Variants in FAM153A observed in about 807,000 individuals in gnomAD.
FAM153A encodes protein FAM153A.
FAM153A carries 12 observed loss-of-function variants against 48.1 expected under a neutral mutation model. That is an observed-to-expected ratio of 0.25 (90% CI 0.16 to 0.40). FAM153A has a LOEUF of 0.40. Among genes scored for constraint, FAM153A ranks in the 10% least tolerant of loss-of-function variants. The pLI is 1.00. For missense variants in FAM153A, 111 were observed against 345.8 expected (o/e 0.32, Z 5.38); for synonymous variants, 36 against 118.2 (o/e 0.30, Z 4.51).
At chr5:177,759,289 A>G (rs28832982) in intron 1 of FAM153A, among the ~76,000 whole-genome samples, 3,119 of 151,822 alleles carry the variant, frequency 0.021, 151 homozygotes, top group African/African-American at 0.071. Context: ...CACCAGTTAG[A>G]ATGGTGATCT....
chr5:177,759,029 G>A (rs1316099333), intron 1 of FAM153A, among the ~76,000 whole-genome samples: 2 of 151,786 alleles, frequency 1.3e-5, no homozygotes, highest in Non-Finnish European at 2.9e-5. Context: ...CCATCAGAGT[G>A]AACAGGGAAC....
chr5:177,758,290 G>A lies in FAM153A; in HGVS notation c.-56-9591C>T, dbSNP rs1767950533. On this transcript the variant is annotated intron_variant, in intron 1 of 8. Transcript: ENST00000393518. ...CAAGGGATGTGAAGGGTCTCTTCAAGGAGAACTACAAACCACTGCTCAATG... is the reference window on the plus strand; with the variant it reads ...CAAGGGATGTGAAGGGTCTCTTCAAAGAGAACTACAAACCACTGCTCAATG... Among the ~76,000 whole-genome samples, 2 of 129,696 alleles carry A rather than the reference G, an allele frequency of 1.5e-5. 1 individual carries two copies. The highest frequency in any genetic ancestry group is 5.3e-5 in the African/African-American group (2 of 37,442). The allele number at this position is 129,696 out of a possible 152,430, so 85.1% of individuals were successfully genotyped here. A position where few individuals can be genotyped will look rare whatever the true frequency, so the allele number is the denominator to read the frequency against.
At chr5:177,781,858 A>G (rs1769702519), upstream of FAM153A, among the ~76,000 whole-genome samples, 2 of 92,536 alleles carry the variant, frequency 2.2e-5, no homozygotes, top group South Asian at 4.2e-4. Context: ...AGCTGGGACT[A>G]CAGGCGCCCG....
At position 177,746,434 on chromosome 5, in the gene FAM153A, C is replaced by T. The variant is rs1026472474; in HGVS notation, c.259+1335G>A. 4.2e-4 allele frequency among the ~76,000 whole-genome samples: 62 copies of T among 148,636 alleles called. 1 individual carries two copies. The highest frequency in any genetic ancestry group is 7.5e-4 in the Non-Finnish European group (51 of 67,572). On this transcript the variant is annotated intron_variant, in intron 4 of 20. Coordinates refer to ENST00000614127, the Ensembl canonical transcript of FAM153A. ...TTGGCCTCCCAAAGCACTGGGATTA[C>T]AGGCATGAGCCACCGTCTCCAGCCA... is the stretch of plus-strand genomic sequence containing the variant.
chr5:177,781,448 T>C (rs1341075806), upstream of FAM153A: 6 of 115,986 alleles, frequency 5.2e-5, no homozygotes, highest in Non-Finnish European at 1.1e-4. Flanking sequence ...GTCATTACAA[T>C]AGTAAAAGAC....
rs1763569106 is a variant in FAM153A, at chr5:177,730,293, G to A, written c.863-738C>T. On this transcript the variant is annotated intron_variant, in intron 16 of 20. Transcript: ENST00000614127. ...CAGCTGTGCAGGAGATTCCTGCAGG[G>A]AAAATGGGTGCCCGGCTAATTCCCA... Among the ~76,000 whole-genome samples the A allele has an allele frequency of 3.3e-5, 4 of 121,498 alleles. 1 individual carries two copies. The highest frequency in any genetic ancestry group is 1.8e-4 in the Admixed American group (2 of 11,390). 79.7% of individuals were successfully genotyped at this position (121,498 alleles called of 152,430 possible). A position where few individuals can be genotyped will look rare whatever the true frequency, so the allele number is the denominator to read the frequency against.
At chr5:177,761,093 T>C (rs925939137) in intron 1 of FAM153A, among the ~76,000 whole-genome samples, 16 of 150,690 alleles carry the variant, frequency 1.1e-4, no homozygotes, top group African/African-American at 2.9e-4. Context: ...TATGCCATCA[T>C]GCACAGGTCT....
downstream of FAM153A, chr5:177,706,816 T>C (rs1427214851): frequency 6.6e-6 from 1 of 151,862 alleles, no homozygotes; most frequent in East Asian, 1.9e-4. Flanking sequence ...AGCTCAAAAG[T>C]AGACATTTTG....
chr5:177,698,663 C>A, the FAM153A span, among the ~76,000 whole-genome samples: 1 of 151,730 alleles, frequency 6.6e-6, no homozygotes, highest in African/African-American at 2.4e-5. Flanking sequence ...ACTTTCTTTT[C>A]TATTTATTTT....
At chr5:177,734,782 T>C in intron 13 of FAM153A, 81 bp downstream of exon 15, 1 of 1,610,380 alleles carries the variant, frequency 6.2e-7, no homozygotes, top group Non-Finnish European at 8.5e-7. Context: ...TATCTTCAGA[T>C]TCTCATATCT....
chr5:177,701,780 A>C, the FAM153A span, among the ~76,000 whole-genome samples: 1 of 151,954 alleles, frequency 6.6e-6, no homozygotes, highest in Non-Finnish European at 1.5e-5. Context: ...AGATGAGGGA[A>C]AGCTTGGAAC....
At chr5:177,713,271 TGAG>T (rs1758821717) in intron 26 of FAM153A, 2 of 147,056 alleles carry the variant, frequency 1.4e-5, no homozygotes, top group Non-Finnish European at 3.0e-5. Context: ...TTTTTTTTTT[TGAG>T]GAGTCTCGCT....
At chr5:177,746,122 C>T (rs1433891560) in intron 4 of FAM153A, among the ~76,000 whole-genome samples, 1 of 151,560 alleles carries the variant, frequency 6.6e-6, no homozygotes, top group African/African-American at 2.4e-5. Context: ...TTTAAAAGAC[C>T]AAGAGCTTGG....
At chr5:177,708,034 C>T (rs1304228786), downstream of FAM153A, 1 of 152,402 alleles carries the variant, frequency 6.6e-6, no homozygotes, top group African/African-American at 2.4e-5. Context: ...TTGACAAGAT[C>T]CCCTGGGGGC....
At chr5:177,757,159 C>T (rs1363424329), upstream of FAM153A, among the ~76,000 whole-genome samples, 7 of 88,900 alleles carry the variant, frequency 7.9e-5, no homozygotes, top group Admixed American at 1.2e-4. Context: ...AGATCACCAC[C>T]GATCCCACAG....
intron 1 of FAM153A, among the ~76,000 whole-genome samples, chr5:177,758,735 C>A (rs905472141): frequency 1.3e-5 from 2 of 149,436 alleles, no homozygotes; most frequent in Non-Finnish European, 3.0e-5. Flanking sequence ...AAAGGATTCC[C>A]TATATAATAA....
intron 1 of FAM153A, among the ~76,000 whole-genome samples, chr5:177,769,017 A>T (rs1768937126): frequency 1.1e-5 from 1 of 88,324 alleles, no homozygotes; most frequent in Admixed American, 1.2e-4. Context: ...AGGTCAGGAG[A>T]TCAAGACCAT....
At chr5:177,697,241 T>G in the FAM153A span, among the ~76,000 whole-genome samples, 2 of 151,668 alleles carry the variant, frequency 1.3e-5, no homozygotes, top group East Asian at 3.9e-4. Flanking sequence ...TAAATTTCAT[T>G]TTTGAATTGT....
downstream of FAM153A, among the ~76,000 whole-genome samples, chr5:177,705,576 T>G (rs1275781003): frequency 6.8e-3 from 1,015 of 148,470 alleles, 12 homozygotes; most frequent in African/African-American, 0.024. Flanking sequence ...TCAAAAATAA[T>G]AAAATGCTTA....
Sources: allele counts gnomAD v4.1 joint callset (sites outside exome capture counted in the v4.1 genomes callset), GRCh38; gene constraint gnomAD v4.1.1; transcripts MANE v1.5; gene names NCBI Gene and HGNC (gene_info 2026-07-23, HGNC 2026-07-21).